MAPK10: variants seen among roughly 807,000 people sequenced by gnomAD.
The protein encoded by MAPK10 is JNK3 alpha protein kinase.
A neutral mutation model predicts 59.3 loss-of-function variants in MAPK10; 25 were observed. The ratio of observed to expected loss-of-function variants is 0.42; its 90% CI spans 0.31 to 0.59. MAPK10 has a LOEUF of 0.59. Among genes scored for constraint, MAPK10 ranks in the 20% least tolerant of loss-of-function variants. The probability of loss-of-function intolerance (pLI) is 0.15; values close to 1 mark genes in which losing one functional copy is unlikely to be tolerated. For missense variants in MAPK10, 351 were observed against 568.9 expected, an observed-to-expected ratio of 0.62 and a Z score of 3.90; for synonymous variants, 190 against 200.5, an observed-to-expected ratio of 0.95 and a Z score of 0.44.
At chr4:86,210,136 TAC>T (rs1446516993) in intron 2 of MAPK10, among the ~76,000 whole-genome samples, 3 of 152,182 alleles carry the variant, frequency 2.0e-5, no homozygotes, top group African/African-American at 4.8e-5. Flanking sequence ...CAAAATAGAT[TAC>T]AGTCTTAAAT....
chr4:86,549,760 C>G (rs1192721702), intron 1 of MAPK10, among the ~76,000 whole-genome samples: 2 of 152,076 alleles, frequency 1.3e-5, no homozygotes, highest in Non-Finnish European at 2.9e-5. Flanking sequence ...TGTGAGGATC[C>G]CTTGAGTCCA....
At chr4:86,200,801 T>A (rs2082448928) in intron 2 of MAPK10, among the ~76,000 whole-genome samples, 1 of 151,940 alleles carries the variant, frequency 6.6e-6, no homozygotes, top group African/African-American at 2.4e-5. Flanking sequence ...AATGACTAAA[T>A]CAGGGTAATT....
intron 4 of MAPK10, among the ~76,000 whole-genome samples, chr4:86,131,494 T>G (rs900010150): frequency 2.6e-5 from 4 of 152,332 alleles, no homozygotes; most frequent in Non-Finnish European, 5.9e-5. Context: ...GCATCTGGAC[T>G]AATTGCTGTA....
intron 1 of MAPK10, among the ~76,000 whole-genome samples, chr4:86,419,436 A>G (rs755288192): frequency 2.6e-5 from 4 of 152,344 alleles, no homozygotes; most frequent in Admixed American, 6.5e-5. Context: ...AATTACATAC[A>G]TAACAACTTA....
At chr4:86,069,882 T>C (rs1316379419) in intron 9 of MAPK10, among the ~76,000 whole-genome samples, 2 of 147,580 alleles carry the variant, frequency 1.4e-5, no homozygotes, top group African/African-American at 2.6e-5. Context: ...ATACAGTAAA[T>C]AATTGATTTT....
intron 4 of MAPK10, among the ~76,000 whole-genome samples, chr4:86,135,318 C>G (rs2061782183): frequency 6.6e-6 from 1 of 152,158 alleles, no homozygotes; most frequent in African/African-American, 2.4e-5. Context: ...AGTGGATCTC[C>G]CAGCATACAG....
chr4:86,107,064 G>A lies in MAPK10; in HGVS notation c.366+159C>T, dbSNP rs999115407. ...ATTTTTAAGCAGAAAGCTACCATGA[G>A]GACAATGAAATCGAATGTAGCATAT... is the stretch of plus-strand genomic sequence containing the variant. On this transcript the variant is annotated intron_variant, in intron 5 of 13. Transcript: ENST00000641462. The A allele has an allele frequency of 5.5e-6, 3 of 542,820 alleles. No homozygotes were observed. In the African/African-American group the frequency reaches 5.8e-5, roughly 10 times the overall value. 33.6% of individuals were successfully genotyped at this position (542,820 alleles called of 1,614,324 possible).
intron 2 of MAPK10, among the ~76,000 whole-genome samples, chr4:86,337,059 G>A (rs1578465167): frequency 6.6e-6 from 1 of 152,198 alleles, no homozygotes; most frequent in Non-Finnish European, 1.5e-5. Context: ...AAAGTGCTGG[G>A]ATTACAGGCA....
At chr4:86,179,518 C>T (rs1418836596) in intron 3 of MAPK10, among the ~76,000 whole-genome samples, 1 of 151,874 alleles carries the variant, frequency 6.6e-6, no homozygotes, top group Non-Finnish European at 1.5e-5. Flanking sequence ...TGTATGGAAC[C>T]ACAAAAGGCC....
intron 3 of MAPK10, chr4:86,193,254 C>T (rs1053393921): frequency 6.6e-6 from 1 of 152,452 alleles, no homozygotes; most frequent in African/African-American, 2.4e-5. Flanking sequence ...AGGAGATAGT[C>T]TGTCCCTTAG....
intron 1 of MAPK10, among the ~76,000 whole-genome samples, chr4:86,509,676 A>G (rs532199089): frequency 6.6e-6 from 1 of 152,316 alleles, no homozygotes; most frequent in East Asian, 1.9e-4. Flanking sequence ...ACTGGAAAAA[A>G]AGATGTGAGA....
chr4:86,291,990 A>G lies in MAPK10; in HGVS notation c.-7+62540T>C, dbSNP rs112207201. 5.6e-3 allele frequency among the ~76,000 whole-genome samples: 857 copies of G among 152,282 alleles called. 10 individuals carry two copies. Among genetic ancestry groups the G allele is most frequent in the African/African-American group, 0.02 (811 of 41,562 alleles). ...GGACCATTACATTGGACTTTTTCTC[A>G]TATCTTTCTGAGCCAGTTTTATTTC... is the stretch of plus-strand genomic sequence containing the variant. On this transcript the variant is annotated intron_variant, in intron 2 of 13. Coordinates refer to ENST00000641462, the MANE Select transcript of MAPK10 (RefSeq NM_138982.4).
chr4:86,365,397 G>A (rs969626318), intron 1 of MAPK10, among the ~76,000 whole-genome samples: 23 of 119,246 alleles, frequency 1.9e-4, no homozygotes, highest in African/African-American at 3.5e-4. Flanking sequence ...GCACCATTGC[G>A]CTCCAGCCTG....
At chr4:86,309,210 T>C (rs1250529859) in intron 2 of MAPK10, among the ~76,000 whole-genome samples, 1 of 152,202 alleles carries the variant, frequency 6.6e-6, no homozygotes, top group Non-Finnish European at 1.5e-5. Context: ...TTCTACTGCA[T>C]AATATATAAC....
intron 2 of MAPK10, among the ~76,000 whole-genome samples, chr4:86,235,450 T>C (rs909854463): frequency 1.3e-5 from 2 of 152,226 alleles, no homozygotes; most frequent in Non-Finnish European, 2.9e-5. Context: ...TGTGCTCACC[T>C]TGTGAAAATC....
intron 2 of MAPK10, among the ~76,000 whole-genome samples, chr4:86,350,338 T>C (rs1454518275): frequency 4.6e-5 from 7 of 152,020 alleles, no homozygotes; most frequent in Middle Eastern, 3.4e-3. Flanking sequence ...CCTCAGCCTC[T>C]CAAGTAGCTG....
Position 86,025,885 on chromosome 4 carries a change from A to T in MAPK10, c.1252+3312T>A, listed in dbSNP as rs192265736. Among the ~76,000 whole-genome samples the T allele has an allele frequency of 1.1e-4, 17 of 152,344 alleles. No individual in the cohort carries two copies. The East Asian group carries it at 3.1e-3, about 28-fold the overall frequency. On this transcript the variant is annotated intron_variant, in intron 13 of 13. Coordinates refer to ENST00000641462, the MANE Select transcript of MAPK10 (RefSeq NM_138982.4). ...CCTGATAACCCCCAATCCCAACAAC[A>T]ACAAAAAAATATGGTAGACACAGAA...
intron 4 of MAPK10, among the ~76,000 whole-genome samples, chr4:86,130,226 G>A (rs1409460146): frequency 6.6e-6 from 1 of 151,972 alleles, no homozygotes; most frequent in Non-Finnish European, 1.5e-5. Flanking sequence ...ACAATTTACT[G>A]ATCTTCTGGA....
intron 1 of MAPK10, among the ~76,000 whole-genome samples, chr4:86,427,100 C>G (rs964312355): frequency 1.3e-5 from 2 of 151,086 alleles, no homozygotes; most frequent in Non-Finnish European, 3.0e-5. Flanking sequence ...ACTAAAAATA[C>G]AAAAAAATTA....
Sources: allele counts gnomAD v4.1 joint callset (sites outside exome capture counted in the v4.1 genomes callset), GRCh38; gene constraint gnomAD v4.1.1; transcripts MANE v1.5; gene names NCBI Gene and HGNC (gene_info 2026-07-23, HGNC 2026-07-21).